GSN: variants seen among roughly 807,000 people sequenced by gnomAD.
GSN encodes the protein gelsolin.
GSN carries 56 observed loss-of-function variants against 85.7 expected under a neutral mutation model. That is an observed-to-expected ratio of 0.65 (90% CI 0.53 to 0.82). The LOEUF is 0.82. GSN is among the 40% of genes least tolerant of loss of function. The pLI is 0.00. For synonymous variants in GSN, 373 were observed against 399.1 expected (o/e 0.93, Z 0.78); for missense variants, 857 against 979.8 (o/e 0.87, Z 1.67).
At chr9:121,276,502 C>T (rs1383156123) in intron 1 of GSN, among the ~76,000 whole-genome samples, 6 of 152,230 alleles carry the variant, frequency 3.9e-5, no homozygotes, top group African/African-American at 1.4e-4. Context: ...CCCCCAGAGA[C>T]TTTGGTGTGA....
chr9:121,227,224 A>G (rs1360468810), intron 4 of GSN, among the ~76,000 whole-genome samples: 2 of 151,786 alleles, frequency 1.3e-5, no homozygotes, highest in Non-Finnish European at 2.9e-5. Context: ...TGAAACCCCG[A>G]CTCTACTAAA....
intron 6 of GSN, among the ~76,000 whole-genome samples, chr9:121,258,250 A>AG (rs1381626876): frequency 6.6e-6 from 1 of 152,244 alleles, no homozygotes; most frequent in Non-Finnish European, 1.5e-5. Context: ...TGAGGCCACG[A>AG]GTTCAAGGCC....
intron 4 of GSN, chr9:121,310,385 TG>T: frequency 2.3e-6 from 1 of 432,554 alleles, no homozygotes; most frequent in Non-Finnish European, 4.3e-6. Flanking sequence ...TCCTTGTTAG[TG>T]GAGTATGGGA....
At chr9:121,307,803 C>G (rs573533607) in intron 4 of GSN, among the ~76,000 whole-genome samples, 1 of 152,342 alleles carries the variant, frequency 6.6e-6, no homozygotes, top group Non-Finnish European at 1.5e-5. Flanking sequence ...TCCTCACTTG[C>G]TCTGGGCAGG....
chr9:121,273,365 T>C (rs923606828), intron 1 of GSN, among the ~76,000 whole-genome samples: 2 of 152,196 alleles, frequency 1.3e-5, no homozygotes, highest in Non-Finnish European at 2.9e-5. Context: ...GTGGCTGAGC[T>C]GGGTTTTGGT....
chr9:121,307,129 C>T (rs953218771), intron 4 of GSN, among the ~76,000 whole-genome samples: 2 of 151,688 alleles, frequency 1.3e-5, no homozygotes, highest in Middle Eastern at 3.4e-3. Flanking sequence ...TGCAGTGAGC[C>T]GAGATCGTAC....
chr9:121,298,856 TC>T (rs1433590971), intron 2 of GSN, among the ~76,000 whole-genome samples: 13 of 152,048 alleles, frequency 8.5e-5, no homozygotes, highest in Admixed American at 6.5e-4. Flanking sequence ...GGATAGCACT[TC>T]CCTTAACCCA....
chr9:121,323,229 A>G (rs182300880), intron 11 of GSN, among the ~76,000 whole-genome samples: 24 of 152,252 alleles, frequency 1.6e-4, no homozygotes, highest in African/African-American at 5.3e-4. Flanking sequence ...CCATTACCCA[A>G]TGGAATATTC....
At chr9:121,286,825 C>T in intron 2 of GSN, 6 of 1,312,970 alleles carry the variant, frequency 4.6e-6, no homozygotes, top group Non-Finnish European at 6.4e-6. Flanking sequence ...GTCAGACAGC[C>T]CTGAATTCCT....
At chr9:121,257,691 C>T (rs1588500647) in intron 6 of GSN, among the ~76,000 whole-genome samples, 1 of 152,070 alleles carries the variant, frequency 6.6e-6, no homozygotes, top group African/African-American at 2.4e-5. Context: ...GCCAACATGG[C>T]GAAACCCCAT....
chr9:121,261,546 G>A lies in GSN; in HGVS notation c.-340-3608G>A, dbSNP rs912289162. Reference sequence around the variant, plus strand: ...CAGTTTCTCGATCTATGAACTGGGAGTGAGAGTAGTTCCAATCTGAGAAAT... The same window carrying A: ...CAGTTTCTCGATCTATGAACTGGGAATGAGAGTAGTTCCAATCTGAGAAAT... On this transcript the variant is annotated intron_variant, in intron 6 of 24. Transcript: ENST00000373823. The surrounding 1 kb of genome is among the most constrained non-coding windows in gnomAD (Gnocchi z 4.1). Among the ~76,000 whole-genome samples the A allele has an allele frequency of 2.0e-5, 3 of 152,274 alleles. No individual in the cohort carries two copies. Among genetic ancestry groups the A allele is most frequent in the Non-Finnish European group, 1.5e-5 (1 of 68,052 alleles).
chr9:121,202,801 C>G (rs370289512), upstream of GSN, among the ~76,000 whole-genome samples: 44 of 152,214 alleles, frequency 2.9e-4, no homozygotes, highest in East Asian at 3.5e-3. Context: ...TTTCTCTGAC[C>G]TGAAAGTTCA....
At chr9:121,327,930 C>T (rs1161364958) in intron 14 of GSN, among the ~76,000 whole-genome samples, 3 of 150,616 alleles carry the variant, frequency 2.0e-5, no homozygotes, top group Admixed American at 6.6e-5. Context: ...GCTGAGATCA[C>T]GCTATTGCAC....
At chr9:121,282,504 A>T in intron 2 of GSN, 1 of 1,257,602 alleles carries the variant, frequency 8.0e-7, no homozygotes. Flanking sequence ...CCAGATGGTG[A>T]CATGAGCCAC....
chr9:121,272,531 G>A (rs963003), intron 1 of GSN, among the ~76,000 whole-genome samples: 57,528 of 152,144 alleles, frequency 0.38, 13,558 homozygotes, highest in South Asian at 0.6. Flanking sequence ...AAGTGAGCCC[G>A]CAGTGGTGCA....
At chr9:121,281,399 A>T (rs979941907) in intron 1 of GSN, 71 bp from the exon 2 acceptor site, 1 of 362,324 alleles carries the variant, frequency 2.8e-6, no homozygotes, top group Non-Finnish European at 5.6e-6. Flanking sequence ...GGGTTGAAAC[A>T]TCAAATGGGG....
In GSN at chr9:121,301,878, G is replaced by A. The variant is rs531574382; in HGVS notation, c.-9-85G>A. On this transcript the variant is annotated intron_variant, in intron 2 of 17. Transcript: ENST00000432226. ...AGGAGGCTCAAGTGAGATGCTCTTG[G>A]TGCTAGAAACCGCCCTCCCTCATGC... 52 of 1,605,004 alleles carry A rather than the reference G, an allele frequency of 3.2e-5. 1 individual carries two copies. The South Asian group carries it at 5.6e-4, about 17-fold the overall frequency.
intron 2 of GSN, chr9:121,283,670 G>GGTTC (rs2057693541): frequency 7.4e-6 from 1 of 134,626 alleles, no homozygotes; most frequent in Non-Finnish European, 1.7e-5. Flanking sequence ...TATGTATATA[G>GGTTC]GTTCATTCAT....
intron 4 of GSN, among the ~76,000 whole-genome samples, chr9:121,229,186 T>G (rs1181537573): frequency 6.6e-6 from 1 of 152,178 alleles, no homozygotes; most frequent in Non-Finnish European, 1.5e-5. Flanking sequence ...CTCCCCCTAC[T>G]TTGTCTTCAG....
Sources: gnomAD v4.1 joint callset for allele counts (sites outside exome capture counted in the v4.1 genomes callset) on GRCh38, gnomAD v4.1.1 for gene constraint, Gnocchi (gnomAD v3.1) non-coding constraint, MANE v1.5 for transcripts, NCBI Gene and HGNC (gene_info 2026-07-23, HGNC 2026-07-21) for gene names.